SLC16A9: variants seen among roughly 807,000 people sequenced by gnomAD.
SLC16A9 encodes the protein monocarboxylate transporter 9.
In SLC16A9, 26 loss-of-function variants were observed where a neutral mutation model predicts 44.3. The ratio of observed to expected loss-of-function variants is 0.59; its 90% CI spans 0.43 to 0.81. The LOEUF (loss-of-function observed/expected upper bound fraction) is 0.81, where lower values mean the gene tolerates loss of function less well. SLC16A9 is among the 40% of genes least tolerant of loss of function. SLC16A9 has a pLI of 0.00. For missense variants in SLC16A9, 559 were observed against 595.8 expected, an observed-to-expected ratio of 0.94 and a Z score of 0.64; for synonymous variants, 230 against 225.1, an observed-to-expected ratio of 1.02 and a Z score of -0.19.
At position 59,693,928 on chromosome 10, in the gene SLC16A9, C is replaced by CTTATTTAT. The variant is rs369815285; in HGVS notation, c.-36-9609_-36-9602dup. ...CACTGCACCCGGCCTTTTAATTTTA[C>CTTATTTAT]TTATTTATTTATTTATTTATTTATT... On this transcript the variant is annotated intron_variant, in intron 1 of 5. Coordinates refer to ENST00000395348, the MANE Select transcript of SLC16A9 (RefSeq NM_194298.3). Among the ~76,000 whole-genome samples the CTTATTTAT allele has an allele frequency of 7.1e-3, 932 of 130,752 alleles. 13 individuals carry two copies. Among genetic ancestry groups the CTTATTTAT allele is most frequent in the African/African-American group, 0.026 (898 of 34,822 alleles). The allele number at this position is 130,752 out of a possible 152,430, so 85.8% of individuals were successfully genotyped here. A position where few individuals can be genotyped will look rare whatever the true frequency, so the allele number is the denominator to read the frequency against.
At chr10:59,663,979 T>C (rs940809634) in intron 4 of SLC16A9, among the ~76,000 whole-genome samples, 4 of 148,538 alleles carry the variant, frequency 2.7e-5, no homozygotes, top group Non-Finnish European at 5.9e-5. Flanking sequence ...AGAAGAGCTA[T>C]ATATTTTAGA....
At chr10:59,671,427 T>C (rs1272975591) in intron 3 of SLC16A9, among the ~76,000 whole-genome samples, 1 of 152,228 alleles carries the variant, frequency 6.6e-6, no homozygotes, top group Non-Finnish European at 1.5e-5. Context: ...AAATACATTT[T>C]GAACATTGTT....
chr10:59,694,801 AATAT>A (rs1554874045), intron 1 of SLC16A9, among the ~76,000 whole-genome samples: 1 of 72,462 alleles, frequency 1.4e-5, no homozygotes, highest in African/African-American at 4.5e-5. Context: ...CTCCATCTCA[AATAT>A]ATATATATAT....
chr10:59,690,233 G>T (rs1226609665), intron 1 of SLC16A9, among the ~76,000 whole-genome samples: 1 of 152,104 alleles, frequency 6.6e-6, no homozygotes, highest in Non-Finnish European at 1.5e-5. Context: ...AAATGTTCTT[G>T]ATCACTTACA....
rs940264630 is a variant in SLC16A9, at chr10:59,652,004, G to C, written c.*768C>G. ...TAGCACTTCCCAGGAAACATCAGCT[G>C]AGTGGATGGCCAAGAAGCAAAAGTG... On this transcript the variant is annotated 3_prime_UTR_variant, in exon 6 of 6. Transcript: ENST00000395348. The C allele has an allele frequency of 6.6e-6, 1 of 152,178 alleles. No individual in the cohort carries two copies. The highest frequency in any genetic ancestry group is 1.5e-5 in the Non-Finnish European group (1 of 68,036). The allele number at this position is 152,178 out of a possible 1,614,324, so 9.4% of individuals were successfully genotyped here.
At chr10:59,680,647 C>A (rs2132477621) in intron 2 of SLC16A9, among the ~76,000 whole-genome samples, 1 of 152,146 alleles carries the variant, frequency 6.6e-6, no homozygotes. Flanking sequence ...GGGCTTAAGC[C>A]AGTGGTAGTT....
intron 5 of SLC16A9, among the ~76,000 whole-genome samples, chr10:59,653,419 C>A (rs1839258390): frequency 5.3e-4 from 1 of 1,878 alleles, no homozygotes; most frequent in Non-Finnish European, 0.01. Flanking sequence ...GTGCAAAACT[C>A]CGTCTCAAAA....
At chr10:59,698,733 T>C (rs897146238) in intron 1 of SLC16A9, among the ~76,000 whole-genome samples, 3 of 143,362 alleles carry the variant, frequency 2.1e-5, no homozygotes, top group African/African-American at 7.7e-5. Flanking sequence ...TTTGTCTCTC[T>C]TTTTTTTTTT....
chr10:59,684,990 A>G (rs1171658), intron 1 of SLC16A9, among the ~76,000 whole-genome samples: 111,655 of 152,078 alleles, frequency 0.73, 41,120 homozygotes, highest in South Asian at 0.81. Flanking sequence ...CTGGGGCAAG[A>G]ACTCTGTCAT....
chr10:59,684,462 T>C (rs1241921111), intron 1 of SLC16A9, 135 bp from the exon 2 acceptor site: 4 of 469,584 alleles, frequency 8.5e-6, no homozygotes, highest in Non-Finnish European at 1.5e-5. Flanking sequence ...GCATAAAATA[T>C]CACTGACATA....
At position 59,650,939 on chromosome 10, in the gene SLC16A9, C is replaced by A. The variant is rs77031038; in HGVS notation, c.*1833G>T. On this transcript the variant is annotated 3_prime_UTR_variant, in exon 6 of 6. Coordinates refer to ENST00000395348, the MANE Select transcript of SLC16A9 (RefSeq NM_194298.3). ...CAAACTTTTTCAGGTTATTGGGTTT[C>A]CTGAACATAACTGGCAAAAAGGAAC... The A allele has an allele frequency of 6.6e-6, 1 of 151,714 alleles. No individual in the cohort carries two copies. Among genetic ancestry groups the A allele is most frequent in the Non-Finnish European group, 1.5e-5 (1 of 67,980 alleles). The allele number at this position is 151,714 out of a possible 1,614,324, so 9.4% of individuals were successfully genotyped here.
intron 3 of SLC16A9, among the ~76,000 whole-genome samples, chr10:59,665,479 T>C (rs1839588888): frequency 6.6e-6 from 1 of 152,196 alleles, no homozygotes; most frequent in African/African-American, 2.4e-5. Flanking sequence ...CAGAGTCTTA[T>C]TAATGAAATG....
intron 1 of SLC16A9, among the ~76,000 whole-genome samples, chr10:59,692,753 T>C (rs1352757550): frequency 6.6e-6 from 1 of 152,194 alleles, no homozygotes; most frequent in Non-Finnish European, 1.5e-5. Flanking sequence ...ATGTATCATT[T>C]ATTCTATACC....
At chr10:59,664,766 TA>T (rs1839570939) in intron 3 of SLC16A9, among the ~76,000 whole-genome samples, 1 of 152,192 alleles carries the variant, frequency 6.6e-6, no homozygotes, top group African/African-American at 2.4e-5. Context: ...CACTCAAAGC[TA>T]TTTTGTCAGA....
Position 59,684,143 on chromosome 10 carries a change from T to C in SLC16A9, c.149A>G (p.Lys50Arg). Residue 50 changes from lysine to arginine, a missense_variant, in exon 2 of 6, where the codon AAA (lysine) becomes AGA (arginine). Coordinates refer to ENST00000395348, the MANE Select transcript of SLC16A9 (RefSeq NM_194298.3). ...WLDAFGEGKG[K>R]TAWVGSLASG... ...TGCCAGGGATCCAACCCAGGCTGTT[T>C]TTCCTTTTCCTTCACCAAAGGCATC... The C allele has an allele frequency of 6.2e-7, 1 of 1,614,002 alleles. No homozygotes were observed. The highest frequency in any genetic ancestry group is 1.1e-5 in the South Asian group (1 of 91,030).
At chr10:59,664,177 T>C (rs572477502) in intron 4 of SLC16A9, 50 bp downstream of exon 4, 13 of 1,325,906 alleles carry the variant, frequency 9.8e-6, no homozygotes, top group East Asian at 7.4e-5. Context: ...CTTTTTACTT[T>C]GTTTAGAAGA....
chr10:59,698,001 T>C (rs1287557971), intron 1 of SLC16A9, among the ~76,000 whole-genome samples: 1 of 148,182 alleles, frequency 6.7e-6, no homozygotes, highest in Non-Finnish European at 1.5e-5. Context: ...CAAAAAACCC[T>C]CAATAAATGT....
At chr10:59,669,327 G>A (rs966894920) in intron 3 of SLC16A9, among the ~76,000 whole-genome samples, 1 of 152,188 alleles carries the variant, frequency 6.6e-6, no homozygotes, top group African/African-American at 2.4e-5. Context: ...GAAAACAGGA[G>A]ACTCAATTCC....
At chr10:59,678,540 C>CTTTTTGTTTTTTTTTTTT in intron 2 of SLC16A9, among the ~76,000 whole-genome samples, 1 of 22,342 alleles carries the variant, frequency 4.5e-5, no homozygotes. Context: ...TTTTCTTTTT[C>CTTTTTGTTTTTTTTTTTT]TTTTTCTTTT....
Sources: gnomAD v4.1 joint callset for allele counts (sites outside exome capture counted in the v4.1 genomes callset) on GRCh38, gnomAD v4.1.1 for gene constraint, MANE v1.5 for transcripts, NCBI Gene and HGNC (gene_info 2026-07-23, HGNC 2026-07-21) for gene names.